DNAJC16: variants seen among roughly 807,000 people sequenced by gnomAD.
DNAJC16 encodes the protein DnaJ heat shock protein family (Hsp40) member C16.
A neutral mutation model predicts 92.7 loss-of-function variants in DNAJC16; 76 were observed. That is an observed-to-expected ratio of 0.82 (90% CI 0.68 to 0.99). DNAJC16 has a LOEUF of 0.99. DNAJC16 is among the 50% of genes least tolerant of loss of function. The pLI, the probability that DNAJC16 is intolerant of heterozygous loss-of-function variation, is 0.00. For synonymous variants in DNAJC16, 328 were observed against 358.7 expected (o/e 0.91, Z 0.97); for missense variants, 869 against 942.4 (o/e 0.92, Z 1.02).
chr1:15,534,402 A>C, intron 3 of DNAJC16, 99 bp downstream of exon 3: 1 of 1,181,436 alleles, frequency 8.5e-7, no homozygotes, highest in South Asian at 1.4e-5. Flanking sequence ...CATGTTCCCC[A>C]TGCCCTTGAT....
chr1:15,566,442 G>C, intron 13 of DNAJC16: 1 of 460,696 alleles, frequency 2.2e-6, no homozygotes, highest in Non-Finnish European at 3.9e-6. Flanking sequence ...AGCAGGACGT[G>C]GTTTATCCCT....
chr1:15,564,118 A>C lies in DNAJC16; in HGVS notation c.1521+7A>C. ...GACCGATGAACTTGCCCCTGTGAGC[A>C]TCGGGGCTGGGAAGGGTGGGACACC... On this transcript the variant is annotated splice_region_variant and intron_variant, in intron 10 of 14. Coordinates refer to ENST00000375847, the MANE Select transcript of DNAJC16 (RefSeq NM_015291.4). The C allele has an allele frequency of 6.2e-7, 1 of 1,613,666 alleles. No homozygotes were observed. Among genetic ancestry groups the C allele is most frequent in the East Asian group, 2.2e-5 (1 of 44,874 alleles).
intron 4 of DNAJC16, among the ~76,000 whole-genome samples, chr1:15,543,192 G>A (rs2103411143): frequency 6.6e-6 from 1 of 152,338 alleles, no homozygotes; most frequent in South Asian, 2.1e-4. Context: ...AGGAAAGTGG[G>A]TGGTACCTTA....
chr1:15,553,362 G>T (rs1183697599), intron 7 of DNAJC16, among the ~76,000 whole-genome samples: 1 of 151,918 alleles, frequency 6.6e-6, no homozygotes, highest in Non-Finnish European at 1.5e-5. Flanking sequence ...AGCCTCCTGA[G>T]TAGCTGGGAT....
chr1:15,529,540 G>A (rs1710605173), intron 2 of DNAJC16, among the ~76,000 whole-genome samples: 1 of 152,080 alleles, frequency 6.6e-6, no homozygotes, highest in African/African-American at 2.4e-5. Flanking sequence ...TAATGTTAAA[G>A]TAACAAGTTT....
chr1:15,557,588 C>T (rs1344728351), intron 7 of DNAJC16, among the ~76,000 whole-genome samples: 1 of 151,196 alleles, frequency 6.6e-6, no homozygotes, highest in Admixed American at 6.6e-5. Flanking sequence ...ATGTTTATTT[C>T]ATTAACTTCT....
chr1:15,529,051 C>G, intron 1 of DNAJC16, 37 bp from the exon 2 acceptor site: 1 of 1,586,632 alleles, frequency 6.3e-7, no homozygotes, highest in South Asian at 1.1e-5. Flanking sequence ...GTCCAGGTTT[C>G]TGCCACTGAA....
In DNAJC16 at chr1:15,568,935, A is replaced by C. The variant is rs1419002569; in HGVS notation, c.*758A>C. ...TGGTAGCCAGGGGAGGGGTCTGCAC[A>C]GCGAGAAGTACTGTGATGACTTTGA... is the stretch of plus-strand genomic sequence containing the variant. On this transcript the variant is annotated 3_prime_UTR_variant, in exon 15 of 15. Coordinates refer to ENST00000375847, the MANE Select transcript of DNAJC16 (RefSeq NM_015291.4). The C allele has an allele frequency of 5.3e-6, 2 of 380,890 alleles. No individual in the cohort carries two copies. The highest frequency in any genetic ancestry group is 3.7e-5 in the East Asian group (1 of 26,774). 23.6% of individuals were successfully genotyped at this position (380,890 alleles called of 1,614,324 possible).
chr1:15,569,612 G>GGACA lies in DNAJC16; in HGVS notation c.*1436_*1439dup, dbSNP rs1638901018. ...TTGTGAAGGGTGAAAATCAGTGATG[G>GGACA]GACATTTACTAAGTATTTCTTTTTT... On this transcript the variant is annotated 3_prime_UTR_variant, in exon 15 of 15. Coordinates refer to ENST00000375847, the MANE Select transcript of DNAJC16 (RefSeq NM_015291.4). 6.6e-6 allele frequency: 1 copy of GGACA among 151,542 alleles called. No homozygotes were observed. Among genetic ancestry groups the GGACA allele is most frequent in the Non-Finnish European group, 1.5e-5 (1 of 67,952 alleles). 9.4% of individuals were successfully genotyped at this position (151,542 alleles called of 1,614,324 possible). A position where few individuals can be genotyped will look rare whatever the true frequency, so the allele number is the denominator to read the frequency against.
chr1:15,550,161 G>A (rs539726302), intron 7 of DNAJC16, among the ~76,000 whole-genome samples: 2 of 152,302 alleles, frequency 1.3e-5, no homozygotes, highest in East Asian at 3.9e-4. Flanking sequence ...AGACGAGAAG[G>A]TGCTGCAAGT....
chr1:15,553,584 T>C (rs1427019529), intron 7 of DNAJC16, among the ~76,000 whole-genome samples: 1 of 152,166 alleles, frequency 6.6e-6, no homozygotes, highest in Non-Finnish European at 1.5e-5. Flanking sequence ...TATTGACATA[T>C]AATACACATG....
intron 2 of DNAJC16, among the ~76,000 whole-genome samples, chr1:15,532,707 T>TG (rs1455193474): frequency 6.6e-6 from 1 of 151,934 alleles, no homozygotes; most frequent in Non-Finnish European, 1.5e-5. Flanking sequence ...ATTTTTGTGT[T>TG]TTTTTTTGTC....
At chr1:15,567,047 C>A in intron 13 of DNAJC16, 52 bp from the exon 14 acceptor site, 1 of 1,534,656 alleles carries the variant, frequency 6.5e-7, no homozygotes, top group Non-Finnish European at 8.9e-7. Flanking sequence ...TTCAAAGTAA[C>A]GGCTTTCCCC....
intron 3 of DNAJC16, among the ~76,000 whole-genome samples, chr1:15,535,247 A>G (rs1360301426): frequency 6.6e-6 from 1 of 152,230 alleles, no homozygotes; most frequent in Non-Finnish European, 1.5e-5. Context: ...AGGTATGACC[A>G]GGTCAATTTT....
At chr1:15,537,638 T>G (rs1015562603) in intron 4 of DNAJC16, among the ~76,000 whole-genome samples, 21 of 152,218 alleles carry the variant, frequency 1.4e-4, no homozygotes, top group Admixed American at 1.2e-3. Flanking sequence ...GGATATATAA[T>G]AATAATAATT....
chr1:15,566,485 GCACA>G (rs1198443579), intron 13 of DNAJC16: 1 of 316,050 alleles, frequency 3.2e-6, no homozygotes, highest in East Asian at 6.4e-5. Context: ...AGTCTTGTGC[GCACA>G]CACACCCAGC....
chr1:15,567,349 T>G, intron 14 of DNAJC16, 80 bp downstream of exon 14: 3 of 1,464,092 alleles, frequency 2.0e-6, no homozygotes, highest in Non-Finnish European at 2.8e-6. Flanking sequence ...CGCTTTTCTC[T>G]TTGGTCTTGT....
intron 2 of DNAJC16, 105 bp downstream of exon 2, chr1:15,529,377 A>G: frequency 1.7e-6 from 2 of 1,170,928 alleles, no homozygotes; most frequent in Non-Finnish European, 2.4e-6. Context: ...TCTATGTTCA[A>G]TATATATATC....
intron 6 of DNAJC16, 44 bp downstream of exon 6, chr1:15,546,915 CTTTTTTT>C (rs76961003): frequency 5.3e-5 from 48 of 907,334 alleles, no homozygotes; most frequent in Admixed American, 1.7e-4. Context: ...CTTTTCTTTT[CTTTTTTT>C]TTTTTTTTTT....
Sources: gnomAD v4.1 joint callset for allele counts (sites outside exome capture counted in the v4.1 genomes callset) on GRCh38, gnomAD v4.1.1 for gene constraint, MANE v1.5 for transcripts, NCBI Gene and HGNC (gene_info 2026-07-23, HGNC 2026-07-21) for gene names.